SDK1: variants seen among roughly 807,000 people sequenced by gnomAD.
SDK1 encodes protein sidekick-1.
In SDK1, 157 loss-of-function variants were observed where a neutral mutation model predicts 245.5. The ratio of observed to expected loss-of-function variants is 0.64; its 90% CI spans 0.56 to 0.73. The LOEUF is 0.73. Among genes scored for constraint, SDK1 ranks in the 30% least tolerant of loss-of-function variants. The pLI is 0.00. For missense variants in SDK1, 3,583 were observed against 3,002.3 expected, an observed-to-expected ratio of 1.19 and a Z score of -4.52; for synonymous variants, 1,647 against 1,278.5, an observed-to-expected ratio of 1.29 and a Z score of -6.15.
intron 5 of SDK1, among the ~76,000 whole-genome samples, chr7:3,892,751 C>G (rs75930229): frequency 0.017 from 2,572 of 152,294 alleles, 26 homozygotes; most frequent in Non-Finnish European, 0.027. Flanking sequence ...AGGTGGACAT[C>G]CAGCTATGCA....
chr7:3,529,311 A>C (rs913061028), intron 1 of SDK1, among the ~76,000 whole-genome samples: 2 of 152,186 alleles, frequency 1.3e-5, no homozygotes, highest in Non-Finnish European at 2.9e-5. Context: ...TCCATCCTCT[A>C]CTAAAAGGGA....
intron 4 of SDK1, among the ~76,000 whole-genome samples, chr7:3,741,538 G>C (rs989372141): frequency 3.9e-5 from 6 of 152,144 alleles, no homozygotes; most frequent in East Asian, 1.9e-4. Flanking sequence ...TTGAATATTG[G>C]ATTCATATTA....
chr7:4,200,191 T>C (rs1195066344), intron 35 of SDK1, among the ~76,000 whole-genome samples: 2 of 152,170 alleles, frequency 1.3e-5, no homozygotes, highest in Admixed American at 6.5e-5. Flanking sequence ...TGTAAAGACA[T>C]GTGGACCCTG....
intron 5 of SDK1, among the ~76,000 whole-genome samples, chr7:3,845,982 C>T (rs571023711): frequency 6.6e-6 from 1 of 152,226 alleles, no homozygotes; most frequent in South Asian, 2.1e-4. Context: ...AGACCGTATT[C>T]CCAATTATTT....
At chr7:3,797,221 A>T (rs970932903) in intron 4 of SDK1, among the ~76,000 whole-genome samples, 1 of 151,984 alleles carries the variant, frequency 6.6e-6, no homozygotes, top group Non-Finnish European at 1.5e-5. Context: ...AGCTCCAAGC[A>T]TTCCTCCTGC....
At chr7:3,987,484 A>G (rs898762211) in intron 14 of SDK1, among the ~76,000 whole-genome samples, 162 bp downstream of exon 14, 1 of 152,080 alleles carries the variant, frequency 6.6e-6, no homozygotes, top group East Asian at 1.9e-4. Flanking sequence ...GGAAAGAAAA[A>G]ACCATGCAGG....
chr7:3,893,217 G>C (rs777139572), intron 5 of SDK1, among the ~76,000 whole-genome samples: 85 of 152,268 alleles, frequency 5.6e-4, no homozygotes, highest in Non-Finnish European at 3.7e-4. Flanking sequence ...CCCTTAACCA[G>C]TGAACTCCGG....
chr7:3,586,444 T>C (rs1780691012), intron 1 of SDK1, among the ~76,000 whole-genome samples: 1 of 151,128 alleles, frequency 6.6e-6, no homozygotes, highest in Non-Finnish European at 1.5e-5. Context: ...ACGCCTGTAA[T>C]CCCAGCACTT....
chr7:3,837,097 G>C (rs769949293), intron 5 of SDK1, among the ~76,000 whole-genome samples: 2 of 152,006 alleles, frequency 1.3e-5, no homozygotes, highest in Non-Finnish European at 2.9e-5. Context: ...TAAGGGCCCT[G>C]TCTTCAAATA....
intron 25 of SDK1, among the ~76,000 whole-genome samples, chr7:4,117,729 G>A (rs1430089240): frequency 1.3e-5 from 2 of 152,176 alleles, no homozygotes; most frequent in Non-Finnish European, 2.9e-5. Context: ...CAGTGTGTCT[G>A]CAGGTGCCAC....
intron 1 of SDK1, among the ~76,000 whole-genome samples, chr7:3,428,336 T>A (rs62437724): frequency 0.23 from 35,194 of 152,146 alleles, 5,137 homozygotes; most frequent in Middle Eastern, 0.35. Flanking sequence ...TTAATTAAAC[T>A]GTGGTAACTG....
intron 1 of SDK1, among the ~76,000 whole-genome samples, chr7:3,395,533 T>C (rs1451815404): frequency 2.6e-5 from 4 of 151,914 alleles, no homozygotes; most frequent in Admixed American, 1.3e-4. Context: ...TAAATCTACT[T>C]CTTATACTTC....
chr7:3,771,207 C>G (rs773899012), intron 4 of SDK1, among the ~76,000 whole-genome samples: 2 of 152,070 alleles, frequency 1.3e-5, no homozygotes, highest in East Asian at 1.9e-4. Flanking sequence ...GCAAGCCCAC[C>G]TGGGCTTGTG....
chr7:3,365,914 C>T (rs926601332), intron 1 of SDK1, among the ~76,000 whole-genome samples: 10 of 152,012 alleles, frequency 6.6e-5, no homozygotes, highest in Non-Finnish European at 8.8e-5. Flanking sequence ...TGGCGGGCAC[C>T]GGTAATCCCA....
intron 4 of SDK1, among the ~76,000 whole-genome samples, chr7:3,813,669 TC>T (rs1203866375): frequency 7.2e-6 from 1 of 139,786 alleles, no homozygotes; most frequent in Admixed American, 7.2e-5. Context: ...TAGTTCTAGA[TC>T]CCCGAGGAAT....
chr7:3,748,003 T>G (rs1001273842), intron 4 of SDK1, among the ~76,000 whole-genome samples: 1 of 152,212 alleles, frequency 6.6e-6, no homozygotes, highest in African/African-American at 2.4e-5. Flanking sequence ...ATTATAATGA[T>G]AGAATATTAG....
chr7:3,597,947 G>A (rs1781120781), intron 1 of SDK1, among the ~76,000 whole-genome samples: 1 of 152,070 alleles, frequency 6.6e-6, no homozygotes, highest in Non-Finnish European at 1.5e-5. Context: ...CCTCTTGGGG[G>A]AAATATCCAG....
rs1254528392 is a variant in SDK1 at position 4,139,529 on chromosome 7, G to A, written c.4229-6193G>A. 9.5e-4 allele frequency among the ~76,000 whole-genome samples: 11 copies of A among 11,616 alleles called. 3 individuals carry two copies. Among genetic ancestry groups the A allele is most frequent in the African/African-American group, 3.5e-3 (11 of 3,172 alleles). The allele number at this position is 11,616 out of a possible 152,430, so 7.6% of individuals were successfully genotyped here. On this transcript the variant is annotated intron_variant, in intron 28 of 44. Transcript: ENST00000404826. ...TATATGTATATATGTGTGTGTATGT[G>A]TGTGTGTATATATGTGTGTGTATAT...
chr7:3,349,504 G>A (rs1363853107), intron 1 of SDK1, among the ~76,000 whole-genome samples: 2 of 152,190 alleles, frequency 1.3e-5, no homozygotes, highest in African/African-American at 4.8e-5. Flanking sequence ...TGTGTTCTGC[G>A]GGGACCAGCC....
Sources: allele counts gnomAD v4.1 joint callset (sites outside exome capture counted in the v4.1 genomes callset), GRCh38; gene constraint gnomAD v4.1.1; transcripts MANE v1.5; gene names NCBI Gene and HGNC (gene_info 2026-07-23, HGNC 2026-07-21).